Variants in POLR3E observed in about 807,000 individuals in gnomAD.
POLR3E encodes RNA polymerase III subunit E.
POLR3E carries 41 observed loss-of-function variants against 96.6 expected under a neutral mutation model. The observed-to-expected ratio is 0.42, with a 90% CI of 0.33 to 0.55. POLR3E has a LOEUF of 0.55. Among genes scored for constraint, POLR3E ranks in the 20% least tolerant of loss-of-function variants. POLR3E has a pLI of 0.06. For synonymous variants in POLR3E, 396 were observed against 383.6 expected (o/e 1.03, Z -0.38); for missense variants, 849 against 952.1 (o/e 0.89, Z 1.43).
In POLR3E at chr16:22,302,963, T is replaced by C. The variant is rs1378011497; in HGVS notation, c.-6T>C. ...TGAAGGACTGCGCGGCTGGCTCTCC[T>C]CTAGTATGGCCAATGAAGAGGATGA... On this transcript the variant is annotated 5_prime_UTR_variant, in exon 2 of 21. Coordinates refer to ENST00000299853, the MANE Select transcript of POLR3E (RefSeq NM_018119.4). 3.7e-6 allele frequency: 6 copies of C among 1,613,746 alleles called. No individual in the cohort carries two copies. The highest frequency in any genetic ancestry group is 5.1e-6 in the Non-Finnish European group (6 of 1,179,812).
rs552749486 is a variant in POLR3E at position 22,333,934 on chromosome 16, A to C, written c.*234A>C. 22 of 430,764 alleles carry C rather than the reference A, an allele frequency of 5.1e-5. No homozygotes were observed. In the South Asian group the frequency reaches 1.8e-3, roughly 36 times the overall value. 26.7% of individuals were successfully genotyped at this position (430,764 alleles called of 1,614,324 possible). On this transcript the variant is annotated 3_prime_UTR_variant, in exon 21 of 21. Coordinates refer to ENST00000299853, the MANE Select transcript of POLR3E (RefSeq NM_018119.4). ...GACCAGCTGGGACCTTCTTTGCAGT[A>C]CAATTTGAAATTCCTGATGTATTTT...
chr16:22,321,525 A>ATGCACGC (rs2048471551), intron 13 of POLR3E, among the ~76,000 whole-genome samples: 2 of 152,230 alleles, frequency 1.3e-5, no homozygotes, highest in African/African-American at 2.4e-5. Context: ...ATCGCGTATT[A>ATGCACGC]CATAGGACCA....
At chr16:22,324,720 G>A (rs2048542767) in intron 16 of POLR3E, 60 bp downstream of exon 16, 27 of 1,558,668 alleles carry the variant, frequency 1.7e-5, no homozygotes, top group Non-Finnish European at 2.4e-5. Context: ...GCATCCTGGG[G>A]AGCACTGTCA....
intron 6 of POLR3E, among the ~76,000 whole-genome samples, chr16:22,311,497 TG>T (rs2048245695): frequency 6.6e-6 from 1 of 150,626 alleles, no homozygotes; most frequent in Non-Finnish European, 1.5e-5. Flanking sequence ...TTGTTTGTTT[TG>T]GGGTTTTTTT....
rs779843645 is a variant in POLR3E, at chr16:22,325,807, A to G, written c.1395A>G (p.Lys465=). 1.2e-6 allele frequency: 2 copies of G among 1,604,118 alleles called. No individual in the cohort carries two copies. Among genetic ancestry groups the G allele is most frequent in the African/African-American group, 1.3e-5 (1 of 74,862 alleles). ...GGGACCAGCGGATCCAAGTAGCCAA[A>G]ACCAAGGCCCAGCAGAACCACGCGT... ...VCGDQRIQVA[K]TKAQQNHALL... is the part of the protein sequence containing the mutation. Residue 465 remains lysine (K), a synonymous_variant, in exon 18 of 21, where the codon AAA becomes AAG. Transcript: ENST00000299853.
At chr16:22,310,503 T>TA (rs2048223606) in intron 6 of POLR3E, among the ~76,000 whole-genome samples, 2 of 151,586 alleles carry the variant, frequency 1.3e-5, no homozygotes, top group South Asian at 4.1e-4. Context: ...GCCAGGCTGA[T>TA]ATCAAACTCC....
At chr16:22,317,084 G>A (rs1356373165) in intron 11 of POLR3E, 31 bp from the exon 12 acceptor site, 4 of 1,613,678 alleles carry the variant, frequency 2.5e-6, no homozygotes, top group Non-Finnish European at 3.4e-6. Flanking sequence ...CGGGCTGGCT[G>A]CCTCTAACCC....
chr16:22,316,458 C>T, intron 9 of POLR3E, 143 bp from the exon 10 acceptor site: 1 of 639,308 alleles, frequency 1.6e-6, no homozygotes, highest in Non-Finnish European at 2.8e-6. Context: ...GAGGCCACGT[C>T]AGAGGCCTTG....
chr16:22,320,243 G>A (rs1229828455), intron 13 of POLR3E, among the ~76,000 whole-genome samples: 3 of 151,878 alleles, frequency 2.0e-5, no homozygotes, highest in East Asian at 1.9e-4. Flanking sequence ...ATGTACTGCC[G>A]AAGAGAGCAC....
At chr16:22,328,609 T>A (rs1173167593) in intron 19 of POLR3E, 22 bp downstream of exon 19, 1 of 1,606,606 alleles carries the variant, frequency 6.2e-7, no homozygotes, top group Non-Finnish European at 8.5e-7. Flanking sequence ...TTTGCTGCCA[T>A]CTTCCCGAAG....
intron 6 of POLR3E, among the ~76,000 whole-genome samples, chr16:22,311,109 G>A (rs915449364): frequency 6.6e-6 from 1 of 151,920 alleles, no homozygotes; most frequent in Non-Finnish European, 1.5e-5. Context: ...GGGACTACAG[G>A]TGCACACACC....
rs576463601 is a variant in POLR3E, at chr16:22,329,218, A to C, written c.1944+631A>C. Reference sequence around the variant, plus strand: ...CAGGCTTATAGAGCACTGGTGAAGCACATTTCTCAGGCGGCCTCTGGCAGC... The same window carrying C: ...CAGGCTTATAGAGCACTGGTGAAGCCCATTTCTCAGGCGGCCTCTGGCAGC... On this transcript the variant is annotated intron_variant, in intron 19 of 20. Coordinates refer to ENST00000299853, the MANE Select transcript of POLR3E (RefSeq NM_018119.4). 5.2e-5 allele frequency: 8 copies of C among 152,386 alleles called. No homozygotes were observed. The South Asian group carries it at 1.7e-3, about 32-fold the overall frequency. The allele number at this position is 152,386 out of a possible 1,614,324, so 9.4% of individuals were successfully genotyped here.
chr16:22,302,061 C>T (rs2048034564), intron 1 of POLR3E, among the ~76,000 whole-genome samples: 1 of 139,956 alleles, frequency 7.1e-6, no homozygotes, highest in African/African-American at 3.3e-5. Context: ...GGCAGACCAG[C>T]TGAAATACTC....
At chr16:22,303,690 G>T (rs2048074470) in intron 2 of POLR3E, among the ~76,000 whole-genome samples, 1 of 143,570 alleles carries the variant, frequency 7.0e-6, no homozygotes, top group Non-Finnish European at 1.5e-5. Context: ...GCCCAGGCTG[G>T]AGTTCAGTGG....
At chr16:22,321,607 G>A (rs1288891039) in intron 13 of POLR3E, among the ~76,000 whole-genome samples, 1 of 152,238 alleles carries the variant, frequency 6.6e-6, no homozygotes, top group African/African-American at 2.4e-5. Flanking sequence ...GAGGACACTG[G>A]CCCAGAGAGG....
chr16:22,323,513 C>T (rs1307858383), intron 14 of POLR3E, among the ~76,000 whole-genome samples: 1 of 152,134 alleles, frequency 6.6e-6, no homozygotes, highest in Non-Finnish European at 1.5e-5. Context: ...AACGTGCTGC[C>T]CAGGAGCTGT....
Position 22,328,915 on chromosome 16 carries a change from T to C in POLR3E, c.1944+328T>C, listed in dbSNP as rs2048671603. 2.9e-5 allele frequency: 9 copies of C among 313,560 alleles called. No individual in the cohort carries two copies. In the Admixed American group the frequency reaches 3.8e-4, roughly 13 times the overall value. 19.4% of individuals were successfully genotyped at this position (313,560 alleles called of 1,614,324 possible). On this transcript the variant is annotated intron_variant, in intron 19 of 20. Transcript: ENST00000299853. Reference sequence around the variant, plus strand: ...CCAAGGTGGGTGGATCACCTGAGGTTGGGAGTTTGACACCAGCCTGACCAA... The same window carrying C: ...CCAAGGTGGGTGGATCACCTGAGGTCGGGAGTTTGACACCAGCCTGACCAA...
At chr16:22,327,837 G>A (rs1053609151) in intron 18 of POLR3E, 2 of 152,234 alleles carry the variant, frequency 1.3e-5, no homozygotes, top group Admixed American at 6.5e-5. Flanking sequence ...AAATGCAAAT[G>A]TGTATTGGAG....
chr16:22,297,880 C>A (rs915540136), intron 1 of POLR3E, among the ~76,000 whole-genome samples: 3 of 152,334 alleles, frequency 2.0e-5, no homozygotes, highest in Admixed American at 1.3e-4. Flanking sequence ...GCGGCAGGGA[C>A]TGCGTGGTGG....
Sources: gnomAD v4.1 joint callset for allele counts (sites outside exome capture counted in the v4.1 genomes callset) on GRCh38, gnomAD v4.1.1 for gene constraint, MANE v1.5 for transcripts, NCBI Gene and HGNC (gene_info 2026-07-23, HGNC 2026-07-21) for gene names.